Variants in FAM222A observed in about 807,000 individuals in gnomAD.
The protein encoded by FAM222A is protein FAM222A.
FAM222A carries 7 observed loss-of-function variants against 25.8 expected under a neutral mutation model. That is an observed-to-expected ratio of 0.27 (90% CI 0.15 to 0.51). FAM222A has a LOEUF of 0.51. FAM222A is among the 20% of genes least tolerant of loss of function. The pLI is 0.97. For missense variants in FAM222A, 573 were observed against 640.5 expected, an observed-to-expected ratio of 0.89 and a Z score of 1.14; for synonymous variants, 294 against 298.8, an observed-to-expected ratio of 0.98 and a Z score of 0.17.
In FAM222A at chr12:109,714,069, G is replaced by A. The variant is rs1887587590; in HGVS notation, c.-875G>A. On this transcript the variant is annotated 5_prime_UTR_variant, in exon 1 of 3. Transcript: ENST00000538780. The surrounding 1 kb of genome is among the most constrained non-coding windows in gnomAD (Gnocchi z 4.2). Reference sequence around the variant, plus strand: ...TGAGAGCCCAGCGCGCGCGGCCCCTGCTGCGGCTTGCGAGCTCGCACACCC... The same window carrying A: ...TGAGAGCCCAGCGCGCGCGGCCCCTACTGCGGCTTGCGAGCTCGCACACCC... Among the ~76,000 whole-genome samples the A allele has an allele frequency of 1.3e-5, 2 of 150,692 alleles. No homozygotes were observed. Among genetic ancestry groups the A allele is most frequent in the South Asian group, 4.1e-4 (2 of 4,828 alleles).
chr12:109,741,965 G>A (rs1200840209), intron 1 of FAM222A: 1 of 152,348 alleles, frequency 6.6e-6, no homozygotes, highest in Non-Finnish European at 1.5e-5. Context: ...GGAGGGAGAG[G>A]TCTTGGACTG....
chr12:109,758,713 T>C (rs1289496991), intron 2 of FAM222A, among the ~76,000 whole-genome samples: 1 of 152,176 alleles, frequency 6.6e-6, no homozygotes. Flanking sequence ...GTCACGTTAA[T>C]TGAGCATTCA....
At chr12:109,735,976 G>A (rs796148324) in intron 1 of FAM222A, 15 of 152,418 alleles carry the variant, frequency 9.8e-5, no homozygotes, top group African/African-American at 3.1e-4. Context: ...CCCTTCAGAG[G>A]TCCATGGCTC....
chr12:109,728,184 C>T (rs1887877575), intron 1 of FAM222A, among the ~76,000 whole-genome samples: 1 of 152,196 alleles, frequency 6.6e-6, no homozygotes, highest in Non-Finnish European at 1.5e-5. Context: ...ATATGAGCTA[C>T]AGCAGTGGGT....
intron 1 of FAM222A, among the ~76,000 whole-genome samples, chr12:109,742,724 G>A (rs978417243): frequency 6.6e-6 from 1 of 151,886 alleles, no homozygotes; most frequent in African/African-American, 2.4e-5. Flanking sequence ...AAGTAAAATA[G>A]GGCATAATGA....
intron 2 of FAM222A, among the ~76,000 whole-genome samples, chr12:109,745,973 A>C (rs1888389534): frequency 6.6e-6 from 1 of 150,586 alleles, no homozygotes; most frequent in African/African-American, 2.4e-5. Flanking sequence ...TTTGTGTATG[A>C]TGGAATCAGA....
chr12:109,755,284 CTTCTTTTTTTTTTTTTTT>C (rs1888689580), intron 2 of FAM222A, among the ~76,000 whole-genome samples: 9 of 68,004 alleles, frequency 1.3e-4, no homozygotes, highest in East Asian at 1.2e-3. Context: ...GTCTGTAATT[CTTCTTTTTTTTTTTTTTT>C]TTTTTTTTTT....
intron 1 of FAM222A, among the ~76,000 whole-genome samples, chr12:109,724,991 G>A (rs1466245122): frequency 1.3e-5 from 2 of 152,140 alleles, no homozygotes; most frequent in African/African-American, 4.8e-5. Context: ...CTATGGGAAT[G>A]ATGAACTCCA....
chr12:109,713,882 G>A lies in FAM222A; in HGVS notation c.-1062G>A, dbSNP rs1242723557. Among the ~76,000 whole-genome samples, 1 of 148,244 alleles carries A rather than the reference G, an allele frequency of 6.7e-6. No homozygotes were observed. Among genetic ancestry groups the A allele is most frequent in the Non-Finnish European group, 1.5e-5 (1 of 66,582 alleles). On this transcript the variant is annotated 5_prime_UTR_variant, in exon 1 of 3. Transcript: ENST00000538780. ...GCCTGGCCGGCTGCTCCGCGGAGAG[G>A]CTGCGCGCGCCGGCCGGGGGAGGCG...
At chr12:109,741,007 A>T (rs1888225687) in intron 1 of FAM222A, among the ~76,000 whole-genome samples, 1 of 152,178 alleles carries the variant, frequency 6.6e-6, no homozygotes, top group African/African-American at 2.4e-5. Context: ...AAGGAGGGCC[A>T]GGGGGAGCCA....
intron 1 of FAM222A, among the ~76,000 whole-genome samples, chr12:109,721,416 G>A (rs1423811410): frequency 1.3e-5 from 2 of 151,596 alleles, no homozygotes; most frequent in Non-Finnish European, 2.9e-5. Context: ...TGGCAAATCT[G>A]TGGCAGGCCT....
chr12:109,718,209 C>A (rs1887680376), intron 1 of FAM222A, among the ~76,000 whole-genome samples: 1 of 152,224 alleles, frequency 6.6e-6, no homozygotes, highest in Non-Finnish European at 1.5e-5. Context: ...GACTCAGTCC[C>A]TTGGAGCCAA....
chr12:109,768,524 A>C lies in FAM222A; in HGVS notation c.595A>C (p.Ile199Leu), dbSNP rs770466470. 3 of 1,606,182 alleles carry C rather than the reference A, an allele frequency of 1.9e-6. No individual in the cohort carries two copies. The highest frequency in any genetic ancestry group is 2.5e-6 in the Non-Finnish European group (3 of 1,178,292). ...LPLPPSNLPS[I>L]HSLLYQLNQQ... ...CCTGCCACCTTCCAACCTGCCCTCC[A>C]TCCACAGCCTCCTGTACCAGCTCAA... The change falls in exon 3 of 3, where the codon ATC becomes CTC. Residue 199 changes from isoleucine to leucine, a missense_variant. Physicochemically the swap from Ile to Leu is conservative, Grantham distance 5. This residue lies in a region of FAM222A where 412 missense variants were observed against 407.0 expected (regional missense o/e 1.01). Coordinates refer to ENST00000538780, the MANE Select transcript of FAM222A (RefSeq NM_032829.3).
intron 1 of FAM222A, among the ~76,000 whole-genome samples, chr12:109,740,624 G>C (rs961899783): frequency 3.3e-5 from 5 of 152,186 alleles, no homozygotes; most frequent in Non-Finnish European, 7.4e-5. Flanking sequence ...CTGCCTTGCT[G>C]TGTGACCTTG....
At chr12:109,758,226 A>G (rs1888790689) in intron 2 of FAM222A, among the ~76,000 whole-genome samples, 1 of 152,156 alleles carries the variant, frequency 6.6e-6, no homozygotes, top group Non-Finnish European at 1.5e-5. Flanking sequence ...GTGTGTGCAC[A>G]TGTTAGAGAA....
Position 109,769,129 on chromosome 12 carries a change from G to A in FAM222A, c.1200G>A (p.Ser400=), listed in dbSNP as rs779131434. The A allele has an allele frequency of 1.6e-5, 26 of 1,611,962 alleles. No homozygotes were observed. The South Asian group carries it at 2.1e-4, about 13-fold the overall frequency. The part of the protein sequence containing the change: ...GLPSKSVCNT[S]VLSSSLQSLE... ...CCAGCAAGAGTGTGTGCAACACATC[G>A]GTGCTGAGCAGCAGCCTGCAGTCAC... Residue 400 remains serine (S), a synonymous_variant, in exon 3 of 3, where the codon TCG becomes TCA. Coordinates refer to ENST00000538780, the MANE Select transcript of FAM222A (RefSeq NM_032829.3).
chr12:109,749,899 T>G (rs1041625376), intron 2 of FAM222A, among the ~76,000 whole-genome samples: 1 of 152,254 alleles, frequency 6.6e-6, no homozygotes, highest in Non-Finnish European at 1.5e-5. Context: ...CACATTTTTC[T>G]TAAAACCTTT....
At chr12:109,739,059 G>A (rs1888161803) in intron 1 of FAM222A, among the ~76,000 whole-genome samples, 1 of 152,252 alleles carries the variant, frequency 6.6e-6, no homozygotes, top group Non-Finnish European at 1.5e-5. Flanking sequence ...CTAGGCTTTG[G>A]CCTTGAATGG....
chr12:109,715,599 A>T (rs1887628341), intron 1 of FAM222A, among the ~76,000 whole-genome samples: 1 of 152,070 alleles, frequency 6.6e-6, no homozygotes, highest in African/African-American at 2.4e-5. Context: ...CCCCACCCCT[A>T]CCATTGCAGT....
Sources: gnomAD v4.1 joint callset for allele counts (sites outside exome capture counted in the v4.1 genomes callset) on GRCh38, gnomAD v4.1.1 for gene constraint, gnomAD v4.1.1 regional missense constraint, Gnocchi (gnomAD v3.1) non-coding constraint, MANE v1.5 for transcripts, NCBI Gene and HGNC (gene_info 2026-07-23, HGNC 2026-07-21) for gene names.